The following PLEKHG1 variants were observed in gnomAD, a reference collection of about 807,000 sequenced individuals.
PLEKHG1 encodes pleckstrin homology and RhoGEF domain containing G1.
Under a neutral mutation model 100.8 loss-of-function variants are expected in PLEKHG1, and 44 were observed. The observed-to-expected ratio is 0.44, with a 90% confidence interval of 0.34 to 0.56. The LOEUF is 0.56. Among genes scored for constraint, PLEKHG1 ranks in the 20% least tolerant of loss-of-function variants. The pLI is 0.01. For missense variants in PLEKHG1, 1,545 were observed against 1,720.9 expected, an observed-to-expected ratio of 0.90 and a Z score of 1.81; for synonymous variants, 640 against 662.5, an observed-to-expected ratio of 0.97 and a Z score of 0.52.
intron 4 of PLEKHG1, among the ~76,000 whole-genome samples, chr6:150,789,976 G>A (rs976746313): frequency 2.6e-5 from 4 of 152,136 alleles, no homozygotes; most frequent in Admixed American, 2.0e-4. Flanking sequence ...GCAGGCCCAG[G>A]GCTGGTGGGT....
rs988811483 is a variant in PLEKHG1, at chr6:150,828,002, G to C, written c.1471-2580G>C. On this transcript the variant is annotated intron_variant, in intron 14 of 15. Transcript: ENST00000358517. ...AAGTTACCAAAGCTGGCGAGGGCTTGTGGGTCATCTTGCACCTTTACAAAC... is the reference window on the plus strand; with the variant it reads ...AAGTTACCAAAGCTGGCGAGGGCTTCTGGGTCATCTTGCACCTTTACAAAC... The C allele has an allele frequency of 2.5e-6, 4 of 1,612,924 alleles. No homozygotes were observed. In the African/African-American group the frequency reaches 5.3e-5, roughly 22 times the overall value.
chr6:150,755,615 G>A (rs1031578057), intron 2 of PLEKHG1, among the ~76,000 whole-genome samples: 6 of 152,182 alleles, frequency 3.9e-5, no homozygotes, highest in Admixed American at 6.5e-5. Flanking sequence ...CTGGAATGAT[G>A]AGGAGACACT....
At chr6:150,827,659 C>G (rs996775481) in intron 14 of PLEKHG1, 6 of 866,468 alleles carry the variant, frequency 6.9e-6, no homozygotes, top group Non-Finnish European at 4.0e-6. Flanking sequence ...GAACTGGAAA[C>G]AAGATGCAGG....
intron 14 of PLEKHG1, among the ~76,000 whole-genome samples, chr6:150,825,774 A>G (rs541792321): frequency 6.6e-6 from 1 of 152,336 alleles, no homozygotes; most frequent in South Asian, 2.1e-4. Context: ...GCTTAACCTT[A>G]CCAGGACTTA....
chr6:150,835,701 A>G (rs1306722569), intron 15 of PLEKHG1, among the ~76,000 whole-genome samples: 1 of 152,156 alleles, frequency 6.6e-6, no homozygotes, highest in African/African-American at 2.4e-5. Flanking sequence ...TCTGGCTAAT[A>G]GAATCTGTTT....
rs1562373887 is a variant in PLEKHG1, at chr6:150,600,201, G to A, written c.-204+184G>A. Reference sequence around the variant, plus strand: ...CGGAGGGCCTTGGGGGGCGCCGAGCGGTGGGGACAGAGGGCGCCGGGGGCA... The same window carrying A: ...CGGAGGGCCTTGGGGGGCGCCGAGCAGTGGGGACAGAGGGCGCCGGGGGCA... On this transcript the variant is annotated intron_variant, in intron 1 of 3. Coordinates refer to the PLEKHG1 transcript ENST00000367326. This position sits in a 1 kb window ranked among gnomAD's most constrained non-coding sequence, Gnocchi z 6.2. Among the ~76,000 whole-genome samples the A allele has an allele frequency of 6.6e-6, 1 of 151,126 alleles. No individual in the cohort carries two copies. Among genetic ancestry groups the A allele is most frequent in the East Asian group, 2.0e-4 (1 of 5,112 alleles).
At position 150,794,441 on chromosome 6, in the gene PLEKHG1, G is replaced by A. The variant is rs556636188; in HGVS notation, c.583-1415G>A. Among the ~76,000 whole-genome samples, 243 of 152,278 alleles carry A rather than the reference G, an allele frequency of 1.6e-3. No individual in the cohort carries two copies. In the Middle Eastern group the frequency reaches 0.027, roughly 17 times the overall value. On this transcript the variant is annotated intron_variant, in intron 4 of 15. Transcript: ENST00000358517. ...AACACTTTGAGAGGCCAAGGCCGGT[G>A]GATCACTTGAGGCCAGGAGTTCGAG...
chr6:150,774,643 C>A (rs950361402), intron 3 of PLEKHG1, among the ~76,000 whole-genome samples: 1 of 145,186 alleles, frequency 6.9e-6, no homozygotes, highest in African/African-American at 2.6e-5. Flanking sequence ...CCGGGTTAAG[C>A]GATTCTCCTG....
At chr6:150,822,467 C>T (rs761621015) in intron 13 of PLEKHG1, among the ~76,000 whole-genome samples, 6 of 152,268 alleles carry the variant, frequency 3.9e-5, no homozygotes, top group Admixed American at 2.0e-4. Context: ...CACATGCAGA[C>T]GGATTTATGT....
intron 3 of PLEKHG1, among the ~76,000 whole-genome samples, chr6:150,701,044 G>T (rs1027154544): frequency 1.3e-5 from 2 of 151,862 alleles, no homozygotes; most frequent in African/African-American, 4.9e-5. Flanking sequence ...TTTAGGCTGG[G>T]CACAGTGGCT....
chr6:150,690,025 T>C (rs1447856038), intron 3 of PLEKHG1, among the ~76,000 whole-genome samples: 4 of 152,150 alleles, frequency 2.6e-5, no homozygotes, highest in Non-Finnish European at 5.9e-5. Flanking sequence ...TTGAATATTA[T>C]AAGCATTTTA....
intron 9 of PLEKHG1, 69 bp downstream of exon 10, chr6:150,809,545 C>T: frequency 6.6e-7 from 1 of 1,517,358 alleles, no homozygotes; most frequent in East Asian, 2.3e-5. Flanking sequence ...TACCATGTGG[C>T]TTTTTGAGAG....
At chr6:150,642,204 C>T (rs1029913288) in intron 2 of PLEKHG1, among the ~76,000 whole-genome samples, 2 of 152,130 alleles carry the variant, frequency 1.3e-5, no homozygotes, top group Admixed American at 1.3e-4. Flanking sequence ...GAATTCTGTT[C>T]ATTTGAGGGA....
At position 150,629,008 on chromosome 6, in the gene PLEKHG1, A is replaced by T. The variant is rs76812934; in HGVS notation, c.-203-9072A>T. ...AAGAAACTGAGGGTTCTAGCCTGGA[A>T]GACTAGACCTCCATTGGCCACAGTG... On this transcript the variant is annotated intron_variant, in intron 1 of 3. Transcript: ENST00000367326. 3.5e-3 allele frequency among the ~76,000 whole-genome samples: 539 copies of T among 152,316 alleles called. 8 individuals carry two copies. The highest frequency in any genetic ancestry group is 0.012 in the African/African-American group (503 of 41,562).
intron 1 of PLEKHG1, among the ~76,000 whole-genome samples, chr6:150,611,015 T>C (rs559258234): frequency 1.3e-5 from 2 of 152,314 alleles, no homozygotes; most frequent in South Asian, 4.1e-4. Context: ...CCTTCTGATA[T>C]ATGGGGAGGG....
chr6:150,823,736 C>T lies in PLEKHG1; in HGVS notation c.1470+60C>T. ...CACTTCAGGCACCTTTCATAGGTGT[C>T]CCTTCCCCATCTCTGTCATCTCCAG... is the stretch of plus-strand genomic sequence containing the variant. On this transcript the variant is annotated intron_variant, in intron 14 of 15. Coordinates refer to ENST00000358517, the Ensembl canonical transcript of PLEKHG1. The T allele has an allele frequency of 7.3e-6, 9 of 1,233,042 alleles. 1 individual carries two copies. In the South Asian group the frequency reaches 1.0e-4, roughly 14 times the overall value. The allele number at this position is 1,233,042 out of a possible 1,614,324, so 76.4% of individuals were successfully genotyped here.
intron 3 of PLEKHG1, among the ~76,000 whole-genome samples, chr6:150,678,504 C>G (rs1222369026): frequency 6.6e-6 from 1 of 152,076 alleles, no homozygotes. Context: ...TTAGGTTCAG[C>G]CTGAATTACC....
chr6:150,630,372 C>G (rs1777695110), intron 1 of PLEKHG1, among the ~76,000 whole-genome samples: 1 of 152,174 alleles, frequency 6.6e-6, no homozygotes, highest in African/African-American at 2.4e-5. Context: ...CTGATGGGAT[C>G]TGGGATCAGG....
At chr6:150,731,027 A>G (rs893946443) in intron 1 of PLEKHG1, among the ~76,000 whole-genome samples, 1 of 152,200 alleles carries the variant, frequency 6.6e-6, no homozygotes, top group Non-Finnish European at 1.5e-5. Context: ...AGTGAGATCA[A>G]CCTGATGGTC....
Sources: allele counts gnomAD v4.1 joint callset (sites outside exome capture counted in the v4.1 genomes callset), GRCh38; gene constraint gnomAD v4.1.1; non-coding constraint Gnocchi (gnomAD v3.1); transcripts MANE v1.5; gene names NCBI Gene and HGNC (gene_info 2026-07-23, HGNC 2026-07-21).